The following ZNF862 variants were observed in gnomAD, a reference collection of about 807,000 sequenced individuals.
The protein encoded by ZNF862 is zinc finger protein 862.
A neutral mutation model predicts 91.1 loss-of-function variants in ZNF862; 64 were observed. The observed-to-expected ratio is 0.70, with a 90% CI of 0.57 to 0.87. ZNF862 has a LOEUF of 0.87. Ranked by LOEUF, ZNF862 falls within the 40% of genes least tolerant of loss-of-function variation. The pLI, the probability that ZNF862 is intolerant of heterozygous loss-of-function variation, is 0.00. For synonymous variants in ZNF862, 631 were observed against 618.1 expected (o/e 1.02, Z -0.31); for missense variants, 1,459 against 1,528.0 (o/e 0.95, Z 0.75).
chr7:149,856,650 G>C (rs1222177877), intron 5 of ZNF862, among the ~76,000 whole-genome samples: 1 of 152,046 alleles, frequency 6.6e-6, no homozygotes, highest in South Asian at 2.1e-4. Flanking sequence ...TGGAGACTTC[G>C]CTCCGGGGCC....
At position 149,838,574 on chromosome 7, in the gene ZNF862, G is replaced by T; in HGVS notation, c.-38G>T. On this transcript the variant is annotated 5_prime_UTR_variant, in exon 1 of 8. Transcript: ENST00000223210. Reference sequence around the variant, plus strand: ...CGGCTGCATCCTCAGGCCAGGCCGCGGGGGGAGGGGGCGGCACGGGCCTCC... The same window carrying T: ...CGGCTGCATCCTCAGGCCAGGCCGCTGGGGGAGGGGGCGGCACGGGCCTCC... The T allele has an allele frequency of 8.3e-7, 1 of 1,206,934 alleles. No individual in the cohort carries two copies. The highest frequency in any genetic ancestry group is 4.2e-5 in the South Asian group (1 of 23,748). 74.8% of individuals were successfully genotyped at this position (1,206,934 alleles called of 1,614,324 possible).
intron 1 of ZNF862, chr7:149,841,332 C>T (rs1801696707): frequency 1.0e-6 from 1 of 985,260 alleles, no homozygotes; most frequent in African/African-American, 1.7e-5. Context: ...GGATTGATAT[C>T]CCACATTGAA....
At position 149,865,161 on chromosome 7, in the gene ZNF862, C is replaced by T. The variant is rs1802666798; in HGVS notation, c.*877C>T. On this transcript the variant is annotated 3_prime_UTR_variant, in exon 8 of 8. Coordinates refer to ENST00000223210, the MANE Select transcript of ZNF862 (RefSeq NM_001099220.3). ...CAAGTGCCTGCTGACTCCCCATCTG[C>T]CCTAGGATTAGTGAATGAGAGCCTC... The T allele has an allele frequency of 6.6e-6, 1 of 152,324 alleles. No individual in the cohort carries two copies. Among genetic ancestry groups the T allele is most frequent in the East Asian group, 1.9e-4 (1 of 5,204 alleles). 9.4% of individuals were successfully genotyped at this position (152,324 alleles called of 1,614,324 possible).
At chr7:149,842,255 T>C (rs1344588760) in intron 1 of ZNF862, among the ~76,000 whole-genome samples, 7 of 152,168 alleles carry the variant, frequency 4.6e-5, no homozygotes, top group African/African-American at 1.7e-4. Context: ...ATTAAAATGA[T>C]ATGAATCTGG....
At chr7:149,856,531 T>G (rs1251653408) in intron 5 of ZNF862, among the ~76,000 whole-genome samples, 1 of 152,236 alleles carries the variant, frequency 6.6e-6, no homozygotes, top group African/African-American at 2.4e-5. Flanking sequence ...CTCACTTTCT[T>G]TACCCTCATC....
In ZNF862 at chr7:149,850,381, T is replaced by C. The variant is rs1383787921; in HGVS notation, c.1117+43T>C. 6.4e-7 allele frequency: 1 copy of C among 1,570,444 alleles called. No homozygotes were observed. Among genetic ancestry groups the C allele is most frequent in the Non-Finnish European group, 8.6e-7 (1 of 1,157,334 alleles). On this transcript the variant is annotated intron_variant, in intron 5 of 7. Transcript: ENST00000223210. This position sits in a 1 kb window ranked among gnomAD's most constrained non-coding sequence, Gnocchi z 4.2. Reference sequence around the variant, plus strand: ...CTCTTATTCACCACCCTCCTTTGACTTGGGAAGCCCACAAGGGGAGCTGTG... The same window carrying C: ...CTCTTATTCACCACCCTCCTTTGACCTGGGAAGCCCACAAGGGGAGCTGTG...
At position 149,860,794 on chromosome 7, in the gene ZNF862, C is replaced by A. The variant is rs1201926280; in HGVS notation, c.1634C>A (p.Pro545Gln). The part of the protein sequence containing the change: ...KEDTPHTALV[P>Q]EISSDLMANM... ...GACACCCCTCACACTGCCCTCGTTC[C>A]AGAGATCTCCAGCGACCTCATGGCC... The change falls in exon 7 of 8, where the codon CCA (proline) becomes CAA (glutamine). Residue 545 changes from proline to glutamine, a missense_variant. Coordinates refer to ENST00000223210, the MANE Select transcript of ZNF862 (RefSeq NM_001099220.3). 6.2e-7 allele frequency: 1 copy of A among 1,613,792 alleles called. No homozygotes were observed. Among genetic ancestry groups the A allele is most frequent in the Non-Finnish European group, 8.5e-7 (1 of 1,179,908 alleles).
At chr7:149,851,760 AT>A (rs1471803622) in intron 5 of ZNF862, 2 of 152,142 alleles carry the variant, frequency 1.3e-5, no homozygotes, top group East Asian at 3.9e-4. Flanking sequence ...TTTCTTTTTC[AT>A]TTACGTAAAT....
At chr7:149,846,995 A>G (rs1357474267) in intron 3 of ZNF862, among the ~76,000 whole-genome samples, 1 of 152,248 alleles carries the variant, frequency 6.6e-6, no homozygotes, top group Non-Finnish European at 1.5e-5. Context: ...TGGCACAAAA[A>G]TGTTGCGTCC....
At chr7:149,852,910 T>A (rs1802115881) in intron 5 of ZNF862, among the ~76,000 whole-genome samples, 1 of 152,058 alleles carries the variant, frequency 6.6e-6, no homozygotes, top group South Asian at 2.1e-4. Context: ...CTTACAGAGC[T>A]GGGGGAAGGC....
intron 2 of ZNF862, among the ~76,000 whole-genome samples, chr7:149,845,265 T>C (rs368013385): frequency 2.0e-5 from 3 of 152,260 alleles, no homozygotes; most frequent in Admixed American, 6.5e-5. Flanking sequence ...TCATCTATTT[T>C]TGAATGCTCT....
At chr7:149,844,785 T>G (rs766073394) in intron 2 of ZNF862, 49 bp downstream of exon 2, 3 of 1,269,882 alleles carry the variant, frequency 2.4e-6, no homozygotes, top group Non-Finnish European at 3.4e-6. Flanking sequence ...AGATCGGCAT[T>G]CCCAACCTCA....
rs371544625 is a variant in ZNF862 at position 149,861,077 on chromosome 7, C to T, written c.1917C>T (p.Cys639=). 2.0e-4 allele frequency: 328 copies of T among 1,612,634 alleles called. No homozygotes were observed. The highest frequency in any genetic ancestry group is 2.4e-4 in the Non-Finnish European group (288 of 1,179,780). ...DSSTDASEQA[C]VGIYIRYFKQ... ...CCACCGACGCCTCCGAGCAGGCCTG[C>T]GTGGGGATTTACATCCGCTACTTCA... is the stretch of plus-strand genomic sequence containing the variant. The change falls in exon 7 of 8, where the codon TGC becomes TGT. Residue 639 remains cysteine (C), a synonymous_variant. Coordinates refer to ENST00000223210, the MANE Select transcript of ZNF862 (RefSeq NM_001099220.3). This position sits in a 1 kb window ranked among gnomAD's most constrained non-coding sequence, Gnocchi z 6.7.
intron 1 of ZNF862, among the ~76,000 whole-genome samples, chr7:149,843,440 T>C (rs2128935878): frequency 6.6e-6 from 1 of 152,346 alleles, no homozygotes; most frequent in African/African-American, 2.4e-5. Flanking sequence ...GTTGATTTCT[T>C]TTATAACACT....
chr7:149,841,988 G>A (rs1801724387), intron 1 of ZNF862, among the ~76,000 whole-genome samples: 1 of 152,172 alleles, frequency 6.6e-6, no homozygotes, highest in Admixed American at 6.5e-5. Context: ...TGGGGGGAAG[G>A]GTGGTGTTGA....
At chr7:149,845,841 G>A (rs1224890299) in intron 2 of ZNF862, among the ~76,000 whole-genome samples, 1 of 152,016 alleles carries the variant, frequency 6.6e-6, no homozygotes, top group East Asian at 1.9e-4. Context: ...GGTTTCTTCT[G>A]TTATATTACC....
At chr7:149,854,166 T>G (rs1319168554) in intron 5 of ZNF862, among the ~76,000 whole-genome samples, 1 of 152,180 alleles carries the variant, frequency 6.6e-6, no homozygotes, top group Non-Finnish European at 1.5e-5. Context: ...GGCCTTTTCT[T>G]TCTCACCCTC....
In ZNF862 at chr7:149,860,717, T is replaced by C. The variant is rs1308825886; in HGVS notation, c.1557T>C (p.His519=). 6.2e-7 allele frequency: 1 copy of C among 1,613,906 alleles called. No homozygotes were observed. The highest frequency in any genetic ancestry group is 8.5e-7 in the Non-Finnish European group (1 of 1,179,900). ...TTAAAGTGGAGACTTTAAAATACCA[T>C]GAAGTCAGCAAAGCGCACAGGCTCT... ...GPFKVETLKY[H]EVSKAHRLCV... Residue 519 remains histidine, a synonymous_variant, in exon 7 of 8, where the codon CAT becomes CAC. Transcript: ENST00000223210.
rs1236851749 is a variant in ZNF862, at chr7:149,855,897, C to T, written c.1118-3525C>T. 2 of 152,368 alleles carry T rather than the reference C, an allele frequency of 1.3e-5. No homozygotes were observed. The highest frequency in any genetic ancestry group is 1.9e-4 in the East Asian group (1 of 5,180). 9.4% of individuals were successfully genotyped at this position (152,368 alleles called of 1,614,324 possible). A position where few individuals can be genotyped will look rare whatever the true frequency, so the allele number is the denominator to read the frequency against. On this transcript the variant is annotated intron_variant, in intron 5 of 7. Coordinates refer to ENST00000223210, the MANE Select transcript of ZNF862 (RefSeq NM_001099220.3). The surrounding 1 kb of genome is among the most constrained non-coding windows in gnomAD (Gnocchi z 4.1). ...ACCCCATGGCTACCTTAGTCTTATCCAAGGCTGGACTCGTGGCCATTCACG... is the reference window on the plus strand; with the variant it reads ...ACCCCATGGCTACCTTAGTCTTATCTAAGGCTGGACTCGTGGCCATTCACG...
Sources: gnomAD v4.1 joint callset for allele counts (sites outside exome capture counted in the v4.1 genomes callset) on GRCh38, gnomAD v4.1.1 for gene constraint, Gnocchi (gnomAD v3.1) non-coding constraint, MANE v1.5 for transcripts, NCBI Gene and HGNC (gene_info 2026-07-23, HGNC 2026-07-21) for gene names.